The following PLEKHA6 variants were observed in gnomAD, a reference collection of about 807,000 sequenced individuals.
The protein encoded by PLEKHA6 is pleckstrin homology domain containing A6.
In PLEKHA6, 60 loss-of-function variants were observed where a neutral mutation model predicts 116.7. The observed-to-expected ratio is 0.51, with a 90% CI of 0.42 to 0.64. The LOEUF is 0.64. Among genes scored for constraint, PLEKHA6 ranks in the 30% least tolerant of loss-of-function variants. PLEKHA6 has a pLI of 0.00. For synonymous variants in PLEKHA6, 489 were observed against 556.1 expected (o/e 0.88, Z 1.70); for missense variants, 1,338 against 1,422.7 (o/e 0.94, Z 0.96).
intron 2 of PLEKHA6, among the ~76,000 whole-genome samples, chr1:204,371,072 A>G (rs968586633): frequency 6.6e-6 from 1 of 152,068 alleles, no homozygotes; most frequent in Non-Finnish European, 1.5e-5. Flanking sequence ...AAAAAAAAAA[A>G]AAAAATTCAG....
At position 204,228,339 on chromosome 1, in the gene PLEKHA6, C is replaced by T. The variant is rs1660671038; in HGVS notation, c.2886-111G>A. On this transcript the variant is annotated intron_variant, in intron 20 of 22. Coordinates refer to ENST00000272203, the MANE Select transcript of PLEKHA6 (RefSeq NM_014935.5). The surrounding 1 kb of genome is among the most constrained non-coding windows in gnomAD (Gnocchi z 4.0). Reference sequence around the variant, plus strand: ...GGAGGGCCAGGGCCCCGTGAATGTGCAGTCTCTGGTTCCCAGCAAGGCTGT... The same window carrying T: ...GGAGGGCCAGGGCCCCGTGAATGTGTAGTCTCTGGTTCCCAGCAAGGCTGT... 4 of 1,085,816 alleles carry T rather than the reference C, an allele frequency of 3.7e-6. No homozygotes were observed. The African/African-American group carries it at 4.7e-5, about 13-fold the overall frequency. The allele number at this position is 1,085,816 out of a possible 1,614,324, so 67.3% of individuals were successfully genotyped here.
At chr1:204,364,958 C>A (rs780644404) in intron 3 of PLEKHA6, among the ~76,000 whole-genome samples, 3 of 152,120 alleles carry the variant, frequency 2.0e-5, no homozygotes, top group Non-Finnish European at 4.4e-5. Context: ...CATACACGGA[C>A]ACATCCCTGA....
At chr1:204,325,353 G>A (rs1216906955) in intron 1 of PLEKHA6, among the ~76,000 whole-genome samples, 1 of 152,176 alleles carries the variant, frequency 6.6e-6, no homozygotes, top group Non-Finnish European at 1.5e-5. Flanking sequence ...AATCCTTAGG[G>A]ACATGGTGGT....
At chr1:204,225,541 C>A (rs1660225081) in intron 21 of PLEKHA6, among the ~76,000 whole-genome samples, 1 of 152,186 alleles carries the variant, frequency 6.6e-6, no homozygotes, top group Non-Finnish European at 1.5e-5. Flanking sequence ...CACAGTATTG[C>A]AATATATACA....
intron 2 of PLEKHA6, chr1:204,369,834 C>T (rs1466784107): frequency 5.3e-5 from 8 of 152,218 alleles, no homozygotes; most frequent in Non-Finnish European, 8.8e-5. Flanking sequence ...CTGAAGGTGA[C>T]ACCACCATCA....
intron 1 of PLEKHA6, among the ~76,000 whole-genome samples, chr1:204,345,731 C>G (rs781761419): frequency 1.2e-4 from 18 of 152,190 alleles, no homozygotes; most frequent in African/African-American, 4.1e-4. Context: ...CCTCTTCCCC[C>G]ACACTATGTT....
rs890814880 is a variant in PLEKHA6, at chr1:204,271,896, CT to C, written c.102+1729del. ...TTCCCAAACCTGTATCACGTATTTTCTTTTTTTTTATTATTATTATACTTAA... is the reference window on the plus strand; with the variant it reads ...TTCCCAAACCTGTATCACGTATTTTCTTTTTTTTATTATTATTATACTTAA... On this transcript the variant is annotated intron_variant, in intron 3 of 22. Coordinates refer to ENST00000272203, the MANE Select transcript of PLEKHA6 (RefSeq NM_014935.5). 1.3e-3 allele frequency among the ~76,000 whole-genome samples: 192 copies of C among 151,394 alleles called. 1 individual carries two copies. The highest frequency in any genetic ancestry group is 4.1e-3 in the African/African-American group (171 of 41,376).
chr1:204,298,374 G>A (rs913741949), intron 1 of PLEKHA6, among the ~76,000 whole-genome samples: 4 of 152,140 alleles, frequency 2.6e-5, no homozygotes, highest in Non-Finnish European at 4.4e-5. Flanking sequence ...AGTGTCAAAT[G>A]GAACAATCAA....
chr1:204,236,751 C>T (rs1044331437), intron 17 of PLEKHA6, among the ~76,000 whole-genome samples: 2 of 152,140 alleles, frequency 1.3e-5, no homozygotes, highest in Non-Finnish European at 2.9e-5. Context: ...AGGAAGCCTA[C>T]TGCATTCCTA....
At chr1:204,351,234 A>G (rs1265231738) in intron 1 of PLEKHA6, among the ~76,000 whole-genome samples, 2 of 152,138 alleles carry the variant, frequency 1.3e-5, no homozygotes, top group Non-Finnish European at 2.9e-5. Context: ...GCCTGAGATA[A>G]CTAAGTTCCT....
At chr1:204,258,045 AC>A (rs1356250405) in intron 8 of PLEKHA6, among the ~76,000 whole-genome samples, 176 bp from the exon 9 acceptor site, 4 of 152,224 alleles carry the variant, frequency 2.6e-5, no homozygotes, top group Non-Finnish European at 1.5e-5. Context: ...CCCTCCTCAA[AC>A]AACTCCCCAA....
intron 1 of PLEKHA6, chr1:204,275,562 G>T: frequency 3.6e-6 from 1 of 275,854 alleles, no homozygotes; most frequent in Non-Finnish European, 5.5e-6. Context: ...TAGGTGCAGA[G>T]GCAGATGGGG....
intron 9 of PLEKHA6, among the ~76,000 whole-genome samples, chr1:204,252,976 G>T (rs758426598): frequency 6.6e-6 from 1 of 152,198 alleles, no homozygotes; most frequent in African/African-American, 2.4e-5. Context: ...CCTGTGCTGC[G>T]GCTTTGGGGA....
At chr1:204,290,699 A>C (rs1006850775) in intron 1 of PLEKHA6, among the ~76,000 whole-genome samples, 1 of 152,186 alleles carries the variant, frequency 6.6e-6, no homozygotes, top group Admixed American at 6.5e-5. Context: ...TTCAAAAGAC[A>C]CTATTACAGG....
chr1:204,268,671 A>G (rs1667113533), intron 3 of PLEKHA6, among the ~76,000 whole-genome samples: 2 of 149,212 alleles, frequency 1.3e-5, no homozygotes, highest in African/African-American at 2.5e-5. Context: ...TCTCTTCCAC[A>G]GTGTGTTCTG....
intron 1 of PLEKHA6, among the ~76,000 whole-genome samples, chr1:204,305,691 A>C (rs1003829828): frequency 6.6e-6 from 1 of 152,254 alleles, no homozygotes; most frequent in African/African-American, 2.4e-5. Flanking sequence ...TATGCACAGC[A>C]GCATCTACCA....
Position 204,257,640 on chromosome 1 carries a change from C to A in PLEKHA6, c.1237G>T (p.Ala413Ser), listed in dbSNP as rs766305489. ...AYQLREWKEP[A>S]SYGRQDATVW... ...GTGGCATCCTGCCGCCCGTAGCTGG[C>A]GGGCTCCTTCCACTCTCGCAGCTGG... Residue 413 changes from alanine to serine, a missense_variant, in exon 9 of 23, where the codon GCC (alanine) becomes TCC (serine). Ala to Ser is a moderately conservative substitution (Grantham distance 99, BLOSUM62 1). Transcript: ENST00000272203. The surrounding 1 kb of genome is among the most constrained non-coding windows in gnomAD (Gnocchi z 6.5). The A allele has an allele frequency of 1.2e-6, 2 of 1,609,172 alleles. No homozygotes were observed. Among genetic ancestry groups the A allele is most frequent in the African/African-American group, 2.7e-5 (2 of 74,974 alleles).
At chr1:204,372,366 T>A (rs1005586314) in intron 1 of PLEKHA6, among the ~76,000 whole-genome samples, 1 of 152,166 alleles carries the variant, frequency 6.6e-6, no homozygotes, top group African/African-American at 2.4e-5. Flanking sequence ...GAAGCCATCA[T>A]CATTTCTCAA....
At chr1:204,336,560 G>A (rs139934997) in intron 1 of PLEKHA6, among the ~76,000 whole-genome samples, 132 of 146,290 alleles carry the variant, frequency 9.0e-4, no homozygotes, top group Non-Finnish European at 1.2e-3. Flanking sequence ...AGAGGTGTGT[G>A]AGCGTGTGTG....
Sources: gnomAD v4.1 joint callset for allele counts (sites outside exome capture counted in the v4.1 genomes callset) on GRCh38, gnomAD v4.1.1 for gene constraint, Gnocchi (gnomAD v3.1) non-coding constraint, MANE v1.5 for transcripts, NCBI Gene and HGNC (gene_info 2026-07-23, HGNC 2026-07-21) for gene names.